Variants in QRICH1 observed in about 807,000 individuals in gnomAD.
QRICH1 encodes the protein transcriptional regulator QRICH1.
QRICH1 carries 16 observed loss-of-function variants against 87.1 expected under a neutral mutation model. That is an observed-to-expected ratio of 0.18 (90% CI 0.12 to 0.28). QRICH1 has a LOEUF of 0.28. Among genes scored for constraint, QRICH1 ranks in the 10% least tolerant of loss-of-function variants. The pLI, the probability that QRICH1 is intolerant of heterozygous loss-of-function variation, is 1.00. For missense variants in QRICH1, 647 were observed against 951.7 expected (o/e 0.68, Z 4.21); for synonymous variants, 367 against 368.4 (o/e 1.00, Z 0.05).
intron 1 of QRICH1, among the ~76,000 whole-genome samples, chr3:49,079,332 G>C (rs2042012924): frequency 6.6e-6 from 1 of 151,798 alleles, no homozygotes; most frequent in Non-Finnish European, 1.5e-5. Context: ...TGAGGTGGAG[G>C]ATTGCTTGAG....
chr3:49,034,765 T>A (rs2093264530), intron 6 of QRICH1, among the ~76,000 whole-genome samples: 1 of 152,230 alleles, frequency 6.6e-6, no homozygotes, highest in Admixed American at 6.5e-5. Flanking sequence ...CAAAGAAAGA[T>A]GACATTTGAA....
intron 3 of QRICH1, among the ~76,000 whole-genome samples, chr3:49,051,413 G>A (rs2093369342): frequency 6.6e-6 from 1 of 151,952 alleles, no homozygotes; most frequent in South Asian, 2.1e-4. Context: ...TATGCTTTGG[G>A]TTTTTCTCTG....
chr3:49,047,491 T>G (rs1229995694), intron 3 of QRICH1, among the ~76,000 whole-genome samples: 7 of 150,570 alleles, frequency 4.6e-5, no homozygotes, highest in Admixed American at 4.6e-4. Context: ...TTTTTTTTTT[T>G]TTTTTTTTTG....
At chr3:49,066,251 G>A (rs1159617337) in intron 2 of QRICH1, among the ~76,000 whole-genome samples, 3 of 151,884 alleles carry the variant, frequency 2.0e-5, no homozygotes, top group South Asian at 2.1e-4. Flanking sequence ...TCATGTCACT[G>A]TACTCTGGCA....
In QRICH1 at chr3:49,044,410, T is replaced by C; in HGVS notation, c.1766A>G (p.Gln589Arg). 1 of 1,613,052 alleles carries C rather than the reference T, an allele frequency of 6.2e-7. No individual in the cohort carries two copies. Among genetic ancestry groups the C allele is most frequent in the Non-Finnish European group, 8.5e-7 (1 of 1,179,352 alleles). The change falls in exon 6 of 10, where the codon CAG (glutamine) becomes CGG (arginine). Residue 589 changes from glutamine to arginine, a missense_variant. This residue lies in a region of QRICH1 where 187 missense variants were observed against 309.5 expected (regional missense o/e 0.60). Coordinates refer to ENST00000395443, the MANE Select transcript of QRICH1 (RefSeq NM_198880.3). ...CTTACCAAGTGGAGTGACCCGGGGCTGAACATCCTTCAGAACTTCATGTAG... is the reference window on the plus strand; with the variant it reads ...CTTACCAAGTGGAGTGACCCGGGGCCGAACATCCTTCAGAACTTCATGTAG... ...EWLHEVLKDV[Q>R]PRVTPLGYVL...
intron 1 of QRICH1, among the ~76,000 whole-genome samples, chr3:49,078,385 CCTTTTTT>C (rs1559952131): frequency 2.7e-5 from 3 of 109,964 alleles, no homozygotes; most frequent in African/African-American, 6.5e-5. Flanking sequence ...AATTATGGTT[CCTTTTTT>C]TTTTTTTTTT....
intron 1 of QRICH1, among the ~76,000 whole-genome samples, chr3:49,084,088 C>A (rs1313022874): frequency 6.6e-6 from 1 of 152,012 alleles, no homozygotes; most frequent in Admixed American, 6.5e-5. Flanking sequence ...GTATGAGCCA[C>A]CGCACCCGGC....
chr3:49,041,018 T>G (rs1011580725), intron 6 of QRICH1, among the ~76,000 whole-genome samples: 6 of 152,132 alleles, frequency 3.9e-5, no homozygotes, highest in Admixed American at 6.5e-5. Flanking sequence ...CAGGCTGGAG[T>G]GCAGTGGCAA....
intron 1 of QRICH1, chr3:49,093,657 T>C (rs1402516120): frequency 1.1e-4 from 18 of 171,304 alleles, no homozygotes; most frequent in Admixed American, 1.9e-4. Flanking sequence ...CGCGCGCGCG[T>C]AAAAACAGGC....
At position 49,030,393 on chromosome 3, in the gene QRICH1, G is replaced by T; in HGVS notation, c.*59C>A. The T allele has an allele frequency of 6.6e-7, 1 of 1,519,610 alleles. No homozygotes were observed. The highest frequency in any genetic ancestry group is 9.0e-7 in the Non-Finnish European group (1 of 1,109,330). The allele number at this position is 1,519,610 out of a possible 1,614,324, so 94.1% of individuals were successfully genotyped here. Reference sequence around the variant, plus strand: ...AAAAAAAATGGAGGCCTCTTCTTTAGTGTGAAAGTCTGTCTGGTTTTTCCT... The same window carrying T: ...AAAAAAAATGGAGGCCTCTTCTTTATTGTGAAAGTCTGTCTGGTTTTTCCT... On this transcript the variant is annotated 3_prime_UTR_variant, in exon 10 of 10. Transcript: ENST00000395443.
intron 2 of QRICH1, among the ~76,000 whole-genome samples, chr3:49,067,182 G>A (rs998980142): frequency 5.3e-5 from 8 of 152,092 alleles, no homozygotes; most frequent in Admixed American, 3.3e-4. Context: ...GCACCTGTCC[G>A]TCACTCCAGA....
chr3:49,030,345 A>G lies in QRICH1; in HGVS notation c.*107T>C. 9.1e-7 allele frequency: 1 copy of G among 1,098,110 alleles called. No homozygotes were observed. The highest frequency in any genetic ancestry group is 1.3e-6 in the Non-Finnish European group (1 of 776,070). 68.0% of individuals were successfully genotyped at this position (1,098,110 alleles called of 1,614,324 possible). Reference sequence around the variant, plus strand: ...CAGAAGCAGCCTGAAAGGCTTCGTAACTACACCAATAAAAAAAAGAAAAAA... The same window carrying G: ...CAGAAGCAGCCTGAAAGGCTTCGTAGCTACACCAATAAAAAAAAGAAAAAA... On this transcript the variant is annotated 3_prime_UTR_variant, in exon 10 of 10. Transcript: ENST00000395443.
At chr3:49,066,756 G>C (rs1214979423) in intron 2 of QRICH1, among the ~76,000 whole-genome samples, 1 of 152,130 alleles carries the variant, frequency 6.6e-6, no homozygotes, top group African/African-American at 2.4e-5. Context: ...TCATTTAAAA[G>C]GCCAAGTGAG....
intron 3 of QRICH1, among the ~76,000 whole-genome samples, chr3:49,048,741 T>G (rs1248353218): frequency 1.6e-5 from 2 of 128,902 alleles, no homozygotes; most frequent in Non-Finnish European, 3.1e-5. Flanking sequence ...TGAGCCGAGA[T>G]CGCACCACTG....
At position 49,032,899 on chromosome 3, in the gene QRICH1, C is replaced by T. The variant is rs74963560; in HGVS notation, c.1896-126G>A. 1,074 of 1,229,482 alleles carry T rather than the reference C, an allele frequency of 8.7e-4. 5 individuals are homozygous for T. In the Middle Eastern group the frequency reaches 0.015, roughly 17 times the overall value. The allele number at this position is 1,229,482 out of a possible 1,614,324, so 76.2% of individuals were successfully genotyped here. A position where few individuals can be genotyped will look rare whatever the true frequency, so the allele number is the denominator to read the frequency against. On this transcript the variant is annotated intron_variant, in intron 7 of 9. Coordinates refer to ENST00000395443, the MANE Select transcript of QRICH1 (RefSeq NM_198880.3). The stretch of plus-strand genomic sequence containing the variant: ...TCCCAAGATCTGGGCAGGCCCGTAC[C>T]CAAGCAGTGTCCAGTGCAGGAACCA...
chr3:49,038,450 T>C lies in QRICH1; in HGVS notation c.1787-5222A>G, dbSNP rs571471417. ...TTTTTTGAGACTGAGTCTTGCACTG[T>C]TGCCTGGGCTGGAGTGCAATGGTGT... is the stretch of plus-strand genomic sequence containing the variant. On this transcript the variant is annotated intron_variant, in intron 6 of 9. Transcript: ENST00000395443. Among the ~76,000 whole-genome samples the C allele has an allele frequency of 4.2e-4, 64 of 152,144 alleles. 1 individual carries two copies. The highest frequency in any genetic ancestry group is 6.8e-3 in the Middle Eastern group (2 of 294).
At chr3:49,078,377 T>C (rs1047152271) in intron 1 of QRICH1, among the ~76,000 whole-genome samples, 2 of 148,936 alleles carry the variant, frequency 1.3e-5, no homozygotes, top group South Asian at 2.1e-4. Flanking sequence ...AAACGAAGAA[T>C]TATGGTTCCT....
intron 9 of QRICH1, among the ~76,000 whole-genome samples, chr3:49,031,470 G>C (rs908431834): frequency 9.2e-5 from 14 of 152,148 alleles, no homozygotes; most frequent in Non-Finnish European, 2.9e-5. Context: ...GTCAGCACTA[G>C]GTGCTGATAT....
Position 49,032,170 on chromosome 3 carries a change from A to C in QRICH1, c.2138+13T>G. ...TGCGCACACATGGACAGCAAGTCAC[A>C]ATAAAGCCTCACCATTTGAAGAGGT... On this transcript the variant is annotated intron_variant, in intron 9 of 9. Transcript: ENST00000395443. 1 of 1,595,976 alleles carries C rather than the reference A, an allele frequency of 6.3e-7. No individual in the cohort carries two copies. Among genetic ancestry groups the C allele is most frequent in the Non-Finnish European group, 8.6e-7 (1 of 1,163,422 alleles).
Sources: allele counts gnomAD v4.1 joint callset (sites outside exome capture counted in the v4.1 genomes callset), GRCh38; gene constraint gnomAD v4.1.1; regional missense constraint gnomAD v4.1.1; transcripts MANE v1.5; gene names NCBI Gene and HGNC (gene_info 2026-07-23, HGNC 2026-07-21).